RPS4Y1: variants seen among roughly 807,000 people sequenced by gnomAD.
The protein encoded by RPS4Y1 is small ribosomal subunit protein eS4, Y isoform 1.
For missense variants in RPS4Y1, 30 were observed against 60.9 expected (o/e 0.49, Z 1.69); for synonymous variants, 23 against 20.8 (o/e 1.10, Z -0.28).
chrY:2,847,157 G>C, intron 4 of RPS4Y1, among the ~76,000 whole-genome samples: 1 of 33,802 alleles, frequency 3.0e-5, no homozygotes, highest in Non-Finnish European at 7.3e-5. Context: ...CTTGAGCCAA[G>C]GACACAGCGA....
intron 4 of RPS4Y1, among the ~76,000 whole-genome samples, chrY:2,849,110 T>C: frequency 3.0e-5 from 1 of 33,574 alleles, no homozygotes; most frequent in Non-Finnish European, 7.4e-5. Context: ...GGCATTATTT[T>C]GTTCCTTTCA....
intron 4 of RPS4Y1, among the ~76,000 whole-genome samples, chrY:2,851,973 C>G: frequency 9.0e-5 from 3 of 33,397 alleles, no homozygotes; most frequent in African/African-American, 2.4e-4. Context: ...TTCACATTAC[C>G]TTCATTACAC....
intron 1 of RPS4Y1, 150 bp downstream of exon 1, chrY:2,841,777 G>A: frequency 4.4e-6 from 1 of 229,270 alleles, no homozygotes; most frequent in African/African-American, 8.0e-5. Context: ...GATTTGGAGA[G>A]GGGAGGTCTG....
intron 2 of RPS4Y1, among the ~76,000 whole-genome samples, chrY:2,843,857 A>C (rs2051151063): frequency 3.1e-5 from 1 of 32,758 alleles, no homozygotes; most frequent in East Asian, 8.2e-4. Flanking sequence ...GATTTGGGGA[A>C]GGAAGGGGCA....
At chrY:2,861,111 G>A (rs2051163305) in intron 5 of RPS4Y1, among the ~76,000 whole-genome samples, 1 of 32,979 alleles carries the variant, frequency 3.0e-5, no homozygotes, top group Non-Finnish European at 7.4e-5. Context: ...TCAGTGGCCT[G>A]TCTTCAAGTT....
In RPS4Y1 at chrY:2,865,236, C is replaced by T; in HGVS notation, c.681C>T (p.Val227=). ...SFATRLSNIF[V]IGNGNKPWIS... is the part of the protein sequence containing the mutation. ...CCACGAGGCTTTCCAACATTTTTGT[C>T]ATTGGCAATGTAAGACTTACACTCT... The change falls in exon 6 of 7, where the codon GTC becomes GTT. Residue 227 remains valine, a synonymous_variant. Transcript: ENST00000250784. 2.5e-6 allele frequency: 1 copy of T among 397,429 alleles called. No homozygotes were observed. The highest frequency in any genetic ancestry group is 3.0e-5 in the South Asian group (1 of 33,734).
rs918903604 is a variant in RPS4Y1, at chrY:2,866,838, C to T, written c.736C>T (p.Leu246Phe). The change falls in exon 7 of 7, where the codon CTT becomes TTT. Residue 246 changes from leucine (L) to phenylalanine (F), a missense_variant. Physicochemically the swap from Leu to Phe is conservative, Grantham distance 22 (BLOSUM62 0). Coordinates refer to ENST00000250784, the MANE Select transcript of RPS4Y1 (RefSeq NM_001008.4). Reference sequence around the variant, plus strand: ...CCTGCCCAGGGGAAAGGGCATTCGACTTACTGTTGCTGAAGAGAGAGATAA... The same window carrying T: ...CCTGCCCAGGGGAAAGGGCATTCGATTTACTGTTGCTGAAGAGAGAGATAA... ...ISLPRGKGIR[L>F]TVAEERDKRL... 2 of 398,223 alleles carry T rather than the reference C, an allele frequency of 5.0e-6. No individual in the cohort carries two copies. The highest frequency in any genetic ancestry group is 7.1e-6 in the Non-Finnish European group (2 of 282,817).
chrY:2,841,710 T>C, intron 1 of RPS4Y1, 83 bp downstream of exon 1: 1 of 309,617 alleles, frequency 3.2e-6, no homozygotes, highest in Non-Finnish European at 4.9e-6. Flanking sequence ...ATGTTTCACT[T>C]TTCGGTCGCC....
chrY:2,862,426 C>T (rs894175094), intron 5 of RPS4Y1, among the ~76,000 whole-genome samples: 1 of 33,571 alleles, frequency 3.0e-5, no homozygotes, highest in Non-Finnish European at 7.4e-5. Context: ...TTCTGATTCT[C>T]TCTTCAACTA....
chrY:2,849,937 C>T (rs771328677), intron 4 of RPS4Y1, among the ~76,000 whole-genome samples: 1 of 34,244 alleles, frequency 2.9e-5, no homozygotes, highest in South Asian at 6.4e-4. Context: ...TTTAGCCTGC[C>T]TTAGTCCTGG....
At chrY:2,857,422 T>G in intron 5 of RPS4Y1, among the ~76,000 whole-genome samples, 2 of 33,927 alleles carry the variant, frequency 5.9e-5, no homozygotes, top group African/African-American at 2.3e-4. Context: ...AAGTATTTCT[T>G]TCCTCTTTTT....
At chrY:2,843,337 T>G (rs999744659) in intron 2 of RPS4Y1, among the ~76,000 whole-genome samples, 1 of 33,408 alleles carries the variant, frequency 3.0e-5, no homozygotes, top group Admixed American at 2.7e-4. Flanking sequence ...AAGTGTGTGG[T>G]TAATGATCGC....
chrY:2,853,807 T>C (rs919578847), intron 4 of RPS4Y1, among the ~76,000 whole-genome samples: 6 of 33,228 alleles, frequency 1.8e-4, no homozygotes, highest in Non-Finnish European at 3.0e-4. Context: ...ACAGCTGTTT[T>C]ACCTAACCTG....
Position 2,850,999 on chromosome Y carries a change from A to G in RPS4Y1, c.361-3601A>G, listed in dbSNP as rs1603309076. 5.1e-4 allele frequency among the ~76,000 whole-genome samples: 14 copies of G among 27,463 alleles called. No homozygotes were observed. In the East Asian group the frequency reaches 0.013, roughly 25 times the overall value. The allele number at this position is 27,463 out of a possible 37,273, so 73.7% of individuals were successfully genotyped here. A position where few individuals can be genotyped will look rare whatever the true frequency, so the allele number is the denominator to read the frequency against. ...GCTGGGACTACAGGCGCCCGCCACT[A>G]CGCCCGGCTAATTTTTTGTATTTTT... On this transcript the variant is annotated intron_variant, in intron 4 of 6. Transcript: ENST00000250784.
intron 5 of RPS4Y1, among the ~76,000 whole-genome samples, chrY:2,859,172 T>C (rs1010030453): frequency 1.3e-3 from 44 of 33,882 alleles, no homozygotes; most frequent in Non-Finnish European, 8.1e-4. Context: ...AACCGGTCTT[T>C]TGTTAACAGC....
chrY:2,865,058 C>T, intron 5 of RPS4Y1, 30 bp from the exon 6 acceptor site: 1 of 378,336 alleles, frequency 2.6e-6, no homozygotes, highest in South Asian at 3.3e-5. Context: ...TAAAATGACT[C>T]CTCTCCTGTT....
intron 4 of RPS4Y1, among the ~76,000 whole-genome samples, chrY:2,850,146 C>A (rs2051155280): frequency 2.9e-5 from 1 of 34,185 alleles, no homozygotes; most frequent in African/African-American, 1.1e-4. Context: ...CAGTTCCAGA[C>A]GGAACTATCT....
chrY:2,861,491 G>C (rs2051163482), intron 5 of RPS4Y1, among the ~76,000 whole-genome samples: 1 of 31,666 alleles, frequency 3.2e-5, no homozygotes, highest in Non-Finnish European at 7.6e-5. Context: ...TCTTGGCTGT[G>C]CTTCTCTGAA....
intron 4 of RPS4Y1, among the ~76,000 whole-genome samples, chrY:2,848,091 CTT>C (rs2051153861): frequency 3.0e-5 from 1 of 32,843 alleles, no homozygotes; most frequent in Non-Finnish European, 7.4e-5. Context: ...CAAACAGAGA[CTT>C]GGGTTTATGG....
Sources: gnomAD v4.1 joint callset for allele counts (sites outside exome capture counted in the v4.1 genomes callset) on GRCh38, gnomAD v4.1.1 for gene constraint, MANE v1.5 for transcripts, NCBI Gene and HGNC (gene_info 2026-07-23, HGNC 2026-07-21) for gene names.